The following NCEH1 variants were observed in gnomAD, a reference collection of about 807,000 sequenced individuals.
NCEH1 encodes 2-acetyl MAGE hydrolase.
Under a neutral mutation model 25.4 loss-of-function variants are expected in NCEH1, and 9 were observed. The observed-to-expected ratio is 0.35, with a 90% confidence interval of 0.21 to 0.62. The LOEUF (loss-of-function observed/expected upper bound fraction) is 0.62, where lower values mean the gene tolerates loss of function less well. NCEH1 is among the 20% of genes least tolerant of loss of function. The probability of loss-of-function intolerance (pLI) is 0.72; values close to 1 mark genes in which losing one functional copy is unlikely to be tolerated. For missense variants in NCEH1, 412 were observed against 501.1 expected (o/e 0.82, Z 1.70); for synonymous variants, 200 against 199.8 (o/e 1.00, Z -0.01).
chr3:172,694,378 A>ATGTGTG (rs369794698), intron 1 of NCEH1, among the ~76,000 whole-genome samples: 98 of 151,348 alleles, frequency 6.5e-4, no homozygotes, highest in African/African-American at 2.1e-3. Context: ...AGTTATATAT[A>ATGTGTG]TGTGTGTGTG....
At chr3:172,703,820 T>C (rs1413991883) in intron 1 of NCEH1, among the ~76,000 whole-genome samples, 3 of 152,194 alleles carry the variant, frequency 2.0e-5, no homozygotes, top group African/African-American at 7.2e-5. Context: ...CCTTAATGTT[T>C]CATAGGTACT....
At chr3:172,671,709 T>C (rs1225642131) in intron 1 of NCEH1, among the ~76,000 whole-genome samples, 2 of 149,884 alleles carry the variant, frequency 1.3e-5, no homozygotes, top group African/African-American at 4.9e-5. Context: ...CATGCACATA[T>C]CAGGTGTATA....
At chr3:172,672,611 A>T (rs1384860388) in intron 1 of NCEH1, among the ~76,000 whole-genome samples, 1 of 152,182 alleles carries the variant, frequency 6.6e-6, no homozygotes, top group Non-Finnish European at 1.5e-5. Flanking sequence ...AAACTACAGA[A>T]GCAAGCTATG....
In NCEH1 at chr3:172,683,276, G is replaced by A; in HGVS notation, c.138+27571C>T. On this transcript the variant is annotated intron_variant, in intron 1 of 4. Coordinates refer to ENST00000475381, the MANE Select transcript of NCEH1 (RefSeq NM_020792.6). ...AAATTAGCCAGGCGTAGTGGCGGGC[G>A]CCTGTAGTCCCAGCTACTTGGGAGG... 1.7e-5 allele frequency among the ~76,000 whole-genome samples: 2 copies of A among 117,736 alleles called. 1 individual carries two copies. The highest frequency in any genetic ancestry group is 3.6e-5 in the Non-Finnish European group (2 of 55,046). 77.2% of individuals were successfully genotyped at this position (117,736 alleles called of 152,430 possible).
chr3:172,683,402 C>CAAA (rs1165644401), intron 1 of NCEH1, among the ~76,000 whole-genome samples: 6 of 15,688 alleles, frequency 3.8e-4, no homozygotes, highest in Non-Finnish European at 4.6e-4. Flanking sequence ...GACTCCGTCT[C>CAAA]AAAAAAAAAA....
At chr3:172,637,787 G>A (rs570637376) in intron 3 of NCEH1, among the ~76,000 whole-genome samples, 1 of 152,314 alleles carries the variant, frequency 6.6e-6, no homozygotes, top group East Asian at 1.9e-4. Context: ...TACTCAGGAG[G>A]CTGAGGCAGG....
intron 2 of NCEH1, 79 bp downstream of exon 2, chr3:172,647,807 T>C (rs937579362): frequency 3.1e-5 from 48 of 1,571,042 alleles, no homozygotes; most frequent in Non-Finnish European, 4.1e-5. Context: ...TCTTTCCCAC[T>C]AAGAAAGCCA....
intron 1 of NCEH1, among the ~76,000 whole-genome samples, chr3:172,686,866 A>G (rs565874162): frequency 1.1e-3 from 167 of 152,364 alleles, no homozygotes; most frequent in African/African-American, 3.8e-3. Flanking sequence ...TTCATGTGCC[A>G]GGAATCAAGG....
chr3:172,639,083 G>A (rs1243329481), intron 3 of NCEH1, among the ~76,000 whole-genome samples: 3 of 152,090 alleles, frequency 2.0e-5, no homozygotes, highest in Non-Finnish European at 4.4e-5. Context: ...CGCGGATCAC[G>A]AGGTCAGGAG....
At chr3:172,699,331 G>A (rs1713558544) in intron 1 of NCEH1, among the ~76,000 whole-genome samples, 1 of 152,200 alleles carries the variant, frequency 6.6e-6, no homozygotes, top group Admixed American at 6.5e-5. Flanking sequence ...AATGGTGCCA[G>A]GTTGTAGCAA....
At chr3:172,667,489 G>A (rs1016978430) in intron 1 of NCEH1, among the ~76,000 whole-genome samples, 16 of 152,202 alleles carry the variant, frequency 1.1e-4, no homozygotes, top group African/African-American at 3.9e-4. Flanking sequence ...GATGACCTAA[G>A]GTTGCGCAGT....
intron 1 of NCEH1, among the ~76,000 whole-genome samples, chr3:172,671,248 T>A (rs1711602951): frequency 6.6e-6 from 1 of 152,172 alleles, no homozygotes; most frequent in South Asian, 2.1e-4. Flanking sequence ...AAAGTAGGAT[T>A]TCGTTAACTC....
chr3:172,705,936 T>C (rs1252144745), intron 1 of NCEH1, among the ~76,000 whole-genome samples: 1 of 146,834 alleles, frequency 6.8e-6, no homozygotes, highest in African/African-American at 2.5e-5. Context: ...AGGTGGAGGT[T>C]GCAGTGAGCT....
At chr3:172,649,226 A>G (rs1717277157) in intron 1 of NCEH1, among the ~76,000 whole-genome samples, 1 of 152,082 alleles carries the variant, frequency 6.6e-6, no homozygotes, top group Non-Finnish European at 1.5e-5. Flanking sequence ...TATATTTTAT[A>G]TATACATACA....
chr3:172,686,073 C>T (rs1002124018), intron 1 of NCEH1, among the ~76,000 whole-genome samples: 2 of 133,242 alleles, frequency 1.5e-5, no homozygotes, highest in African/African-American at 5.7e-5. Context: ...GCTTTTGAAA[C>T]ACACTGACAA....
chr3:172,664,776 C>T (rs1295894409), intron 1 of NCEH1, among the ~76,000 whole-genome samples: 1 of 152,112 alleles, frequency 6.6e-6, no homozygotes, highest in East Asian at 1.9e-4. Flanking sequence ...GCATGTGTCA[C>T]GTAGTTCTCG....
At position 172,633,978 on chromosome 3, in the gene NCEH1, T is replaced by C. The variant is rs369279910; in HGVS notation, c.724A>G (p.Ile242Val). The change falls in exon 5 of 5, where the codon ATC becomes GTC. Residue 242 changes from isoleucine (I) to valine (V), a missense_variant. Ile to Val is a conservative substitution (Grantham distance 29). This residue lies in a region of NCEH1 where 210 missense variants were observed against 258.2 expected (regional missense o/e 0.81). Transcript: ENST00000475381. Reference sequence around the variant, plus strand: ...TTCACCATGACATAGCGGGGCAGGATTGGGGTGTTCACATTTTGCTGATAA... The same window carrying C: ...TTCACCATGACATAGCGGGGCAGGACTGGGGTGTTCACATTTTGCTGATAA... Reference protein sequence around the residue: ...PSYQQNVNTPILPRYVMVKYW... With the variant: ...PSYQQNVNTPVLPRYVMVKYW... The C allele has an allele frequency of 6.4e-5, 104 of 1,614,056 alleles. No homozygotes were observed. Among genetic ancestry groups the C allele is most frequent in the Non-Finnish European group, 8.1e-5 (95 of 1,180,018 alleles).
chr3:172,664,609 G>A lies in NCEH1; in HGVS notation c.139-16495C>T, dbSNP rs192213935. On this transcript the variant is annotated intron_variant, in intron 1 of 4. Transcript: ENST00000475381. ...CTTTCAGGTACACCAATCAAAAGTA[G>A]ATTTGGTCTTTTCACATAGTCCCAT... 5.6e-3 allele frequency among the ~76,000 whole-genome samples: 849 copies of A among 152,292 alleles called. 5 individuals carry two copies. The highest frequency in any genetic ancestry group is 0.02 in the Middle Eastern group (6 of 294).
chr3:172,672,361 G>A (rs1287709951), intron 1 of NCEH1, among the ~76,000 whole-genome samples: 1 of 152,156 alleles, frequency 6.6e-6, no homozygotes, highest in South Asian at 2.1e-4. Flanking sequence ...CACCGCACCT[G>A]GCCAGGAAGC....
Sources: allele counts gnomAD v4.1 joint callset (sites outside exome capture counted in the v4.1 genomes callset), GRCh38; gene constraint gnomAD v4.1.1; regional missense constraint gnomAD v4.1.1; transcripts MANE v1.5; gene names NCBI Gene and HGNC (gene_info 2026-07-23, HGNC 2026-07-21).